The following MTHFD1 variants were observed in gnomAD, a reference collection of about 807,000 sequenced individuals.
MTHFD1 encodes the protein C-1-tetrahydrofolate synthase, cytoplasmic.
Under a neutral mutation model 110.3 loss-of-function variants are expected in MTHFD1, and 44 were observed. The observed-to-expected ratio is 0.40, with a 90% CI of 0.31 to 0.51. The LOEUF (loss-of-function observed/expected upper bound fraction) is 0.51. Ranked by LOEUF, MTHFD1 falls within the 20% of genes least tolerant of loss-of-function variation. The pLI is 0.60. For missense variants in MTHFD1, 909 were observed against 1,173.1 expected (o/e 0.77, Z 3.29); for synonymous variants, 402 against 428.8 (o/e 0.94, Z 0.77).
chr14:64,411,220 T>C, intron 3 of MTHFD1, 71 bp downstream of exon 3: 1 of 1,165,914 alleles, frequency 8.6e-7, no homozygotes, highest in Non-Finnish European at 1.3e-6. Context: ...CCCCTTGCCC[T>C]TTTTGGTCCT....
intron 12 of MTHFD1, among the ~76,000 whole-genome samples, chr14:64,429,482 T>G (rs1388803784): frequency 6.6e-6 from 1 of 151,930 alleles, no homozygotes; most frequent in African/African-American, 2.4e-5. Context: ...TTCAACTGGC[T>G]TTTGGCTAAT....
intron 1 of MTHFD1, among the ~76,000 whole-genome samples, chr14:64,390,959 T>A (rs1428516663): frequency 6.6e-6 from 1 of 152,000 alleles, no homozygotes; most frequent in Non-Finnish European, 1.5e-5. Flanking sequence ...TAGAATTTCT[T>A]AAAAATCCAG....
chr14:64,395,439 G>T (rs1233080279), intron 1 of MTHFD1, among the ~76,000 whole-genome samples: 1 of 152,136 alleles, frequency 6.6e-6, no homozygotes, highest in Non-Finnish European at 1.5e-5. Flanking sequence ...GGGTGGGGGT[G>T]GGGGAGGTGG....
At chr14:64,391,241 T>C (rs1305651008) in intron 1 of MTHFD1, among the ~76,000 whole-genome samples, 1 of 152,218 alleles carries the variant, frequency 6.6e-6, no homozygotes, top group Non-Finnish European at 1.5e-5. Context: ...GTTGTCTCAC[T>C]GTAACCTCCA....
intron 2 of MTHFD1, among the ~76,000 whole-genome samples, chr14:64,406,780 G>C (rs1435194430): frequency 6.6e-6 from 1 of 152,104 alleles, no homozygotes; most frequent in African/African-American, 2.4e-5. Context: ...TTGAGTTAGG[G>C]ATCTTCAACC....
Position 64,424,873 on chromosome 14 carries a change from G to A in MTHFD1, c.797G>A (p.Ser266Asn). Reference protein sequence around the residue: ...VAYDEAKERASFITPVPGGVG... With the variant: ...VAYDEAKERANFITPVPGGVG... ...TACGACGAGGCCAAAGAGAGGGCGA[G>A]CTTCATCACTCCTGTTCCTGGCGGC... The change falls in exon 9 of 28, where the codon AGC becomes AAC. Residue 266 changes from serine (S) to asparagine (N), a missense_variant. By Grantham distance (46) the Ser-to-Asn change is conservative. Transcript: ENST00000652337. 3.1e-6 allele frequency: 5 copies of A among 1,614,224 alleles called. No homozygotes were observed. The highest frequency in any genetic ancestry group is 2.2e-5 in the East Asian group (1 of 44,890).
chr14:64,433,078 T>G (rs542526741), intron 15 of MTHFD1, among the ~76,000 whole-genome samples: 1 of 151,986 alleles, frequency 6.6e-6, no homozygotes, highest in South Asian at 2.1e-4. Context: ...GATTTTTTGT[T>G]TTTGTTTTTC....
chr14:64,437,134 G>GT (rs200910963), intron 16 of MTHFD1, among the ~76,000 whole-genome samples: 2,719 of 150,988 alleles, frequency 0.018, 37 homozygotes, highest in Middle Eastern at 0.052. Flanking sequence ...TATGAACTGG[G>GT]TTTTTTTGTT....
At chr14:64,418,462 A>AAAG (rs2078043123) in intron 7 of MTHFD1, among the ~76,000 whole-genome samples, 2 of 151,286 alleles carry the variant, frequency 1.3e-5, no homozygotes, top group Admixed American at 1.3e-4. Context: ...AAAAAAAAAA[A>AAAG]AAATTAATTA....
chr14:64,451,987 AT>A (rs2078379761), intron 24 of MTHFD1, among the ~76,000 whole-genome samples: 1 of 152,156 alleles, frequency 6.6e-6, no homozygotes, highest in East Asian at 1.9e-4. Flanking sequence ...TTATAGATAG[AT>A]TATTGCTCCT....
intron 27 of MTHFD1, among the ~76,000 whole-genome samples, chr14:64,459,179 C>A (rs2078523220): frequency 1.3e-5 from 2 of 152,172 alleles, no homozygotes; most frequent in Non-Finnish European, 2.9e-5. Context: ...CACCCCACAT[C>A]TCTTCCTAAG....
At chr14:64,444,138 G>A (rs2078270827) in intron 21 of MTHFD1, among the ~76,000 whole-genome samples, 1 of 152,114 alleles carries the variant, frequency 6.6e-6, no homozygotes, top group African/African-American at 2.4e-5. Context: ...GGAGGCACCA[G>A]ACACCTCCAT....
intron 22 of MTHFD1, chr14:64,445,253 G>T (rs1159846301): frequency 5.7e-6 from 1 of 174,118 alleles, no homozygotes; most frequent in Non-Finnish European, 1.2e-5. Flanking sequence ...CAGATCAGAA[G>T]CAAGTAGAGA....
At chr14:64,415,611 T>G (rs1193184595) in intron 5 of MTHFD1, 28 bp from the exon 6 acceptor site, 4 of 1,612,882 alleles carry the variant, frequency 2.5e-6, no homozygotes, top group Non-Finnish European at 2.5e-6. Flanking sequence ...TGCCTTTATT[T>G]CCTTCTTATT....
chr14:64,418,340 A>C (rs1217073907), intron 7 of MTHFD1, among the ~76,000 whole-genome samples: 2 of 151,126 alleles, frequency 1.3e-5, no homozygotes, highest in African/African-American at 4.9e-5. Flanking sequence ...AGTCCCAGCT[A>C]CTCGGGAGGT....
chr14:64,442,217 CAG>C, intron 20 of MTHFD1, 44 bp from the exon 21 acceptor site: 2 of 1,614,030 alleles, frequency 1.2e-6, no homozygotes, highest in South Asian at 2.2e-5. Context: ...CTTTTAACAT[CAG>C]GGGAATTGGG....
intron 15 of MTHFD1, among the ~76,000 whole-genome samples, chr14:64,434,052 C>T (rs867037213): frequency 2.6e-5 from 4 of 152,092 alleles, no homozygotes; most frequent in South Asian, 2.1e-4. Flanking sequence ...TTGTGTTTTA[C>T]AACACTTCTT....
intron 26 of MTHFD1, among the ~76,000 whole-genome samples, chr14:64,455,979 T>C (rs1393920638): frequency 6.6e-6 from 1 of 152,224 alleles, no homozygotes; most frequent in Non-Finnish European, 1.5e-5. Context: ...TCCCTTGTGG[T>C]AGGAATTTTC....
At chr14:64,423,155 T>A (rs534848747) in intron 8 of MTHFD1, among the ~76,000 whole-genome samples, 25 of 152,292 alleles carry the variant, frequency 1.6e-4, no homozygotes, top group South Asian at 8.3e-4. Flanking sequence ...TCTGCCAGTT[T>A]GCTGCTTTAT....
Sources: gnomAD v4.1 joint callset for allele counts (sites outside exome capture counted in the v4.1 genomes callset) on GRCh38, gnomAD v4.1.1 for gene constraint, MANE v1.5 for transcripts, NCBI Gene and HGNC (gene_info 2026-07-23, HGNC 2026-07-21) for gene names.